The following ANKS1B variants were observed in gnomAD, a reference collection of about 807,000 sequenced individuals.
ANKS1B encodes ankyrin repeat and sterile alpha motif domain containing 1B, also known as ankyrin repeat and sterile alpha motif domain-containing protein 1B.
In ANKS1B, 36 loss-of-function variants were observed where a neutral mutation model predicts 148.3. The ratio of observed to expected loss-of-function variants is 0.24; its 90% CI spans 0.19 to 0.32. The LOEUF is 0.32. Among genes scored for constraint, ANKS1B ranks in the 10% least tolerant of loss-of-function variants. ANKS1B has a pLI of 1.00. For synonymous variants in ANKS1B, 542 were observed against 560.8 expected (o/e 0.97, Z 0.47); for missense variants, 1,157 against 1,542.6 (o/e 0.75, Z 4.19).
At chr12:99,392,318 G>A (rs2094103051) in intron 12 of ANKS1B, among the ~76,000 whole-genome samples, 1 of 152,236 alleles carries the variant, frequency 6.6e-6, no homozygotes, top group South Asian at 2.1e-4. Context: ...CAGTGTGAGA[G>A]GCCTATGCCA....
intron 17 of ANKS1B, among the ~76,000 whole-genome samples, chr12:98,989,096 C>T (rs542710364): frequency 6.6e-6 from 1 of 152,152 alleles, no homozygotes; most frequent in Non-Finnish European, 1.5e-5. Context: ...CTTTGATTTG[C>T]AGCTGCTTTG....
At chr12:99,153,337 C>T (rs2075420136) in intron 15 of ANKS1B, among the ~76,000 whole-genome samples, 2 of 152,242 alleles carry the variant, frequency 1.3e-5, no homozygotes, top group South Asian at 2.1e-4. Flanking sequence ...AGGGCTATTA[C>T]TTATTTCCAC....
chr12:99,230,047 G>T lies in ANKS1B; in HGVS notation c.2419+14295C>A, dbSNP rs141505149. Among the ~76,000 whole-genome samples the T allele has an allele frequency of 2.1e-3, 312 of 152,054 alleles. 1 individual carries two copies. Among genetic ancestry groups the T allele is most frequent in the African/African-American group, 7.2e-3 (300 of 41,554 alleles). On this transcript the variant is annotated intron_variant, in intron 14 of 26. Coordinates refer to ENST00000683438, the MANE Select transcript of ANKS1B (RefSeq NM_001352186.2). ...AAGGAAAAAAAAAGTCATCTGTTAA[G>T]ATCTGCTATGTACCAGGAATATAGT... is the stretch of plus-strand genomic sequence containing the variant.
At chr12:99,175,657 T>C (rs1032147806) in intron 14 of ANKS1B, among the ~76,000 whole-genome samples, 1 of 152,098 alleles carries the variant, frequency 6.6e-6, no homozygotes, top group South Asian at 2.1e-4. Flanking sequence ...AAATAGGACA[T>C]ACCATTAATA....
In ANKS1B at chr12:99,251,664, T is replaced by C. The variant is rs528836693; in HGVS notation, c.1757-4800A>G. Among the ~76,000 whole-genome samples, 10 of 152,334 alleles carry C rather than the reference T, an allele frequency of 6.6e-5. No individual in the cohort carries two copies. In the East Asian group the frequency reaches 1.7e-3, roughly 26 times the overall value. On this transcript the variant is annotated intron_variant, in intron 12 of 26. Transcript: ENST00000683438. Reference sequence around the variant, plus strand: ...AATCTCTTTTTATCCACCTTTGCTATGATTTTTATCACCTATATATCACCT... The same window carrying C: ...AATCTCTTTTTATCCACCTTTGCTACGATTTTTATCACCTATATATCACCT...
intron 1 of ANKS1B, among the ~76,000 whole-genome samples, chr12:99,844,527 T>C (rs548568332): frequency 1.7e-4 from 26 of 152,308 alleles, no homozygotes; most frequent in African/African-American, 6.3e-4. Flanking sequence ...GTCAAGTCTG[T>C]CAAAGACCAG....
chr12:99,350,481 A>G (rs2091283721), intron 12 of ANKS1B, among the ~76,000 whole-genome samples: 1 of 152,052 alleles, frequency 6.6e-6, no homozygotes, highest in Non-Finnish European at 1.5e-5. Flanking sequence ...ACTTCTACAA[A>G]CACAAGACAA....
At chr12:99,366,345 C>T (rs1465312122) in intron 12 of ANKS1B, among the ~76,000 whole-genome samples, 1 of 152,196 alleles carries the variant, frequency 6.6e-6, no homozygotes, top group African/African-American at 2.4e-5. Context: ...CCTCAGGACA[C>T]TAATGGCTTC....
At chr12:99,723,137 G>A (rs992725074) in intron 8 of ANKS1B, among the ~76,000 whole-genome samples, 1 of 152,190 alleles carries the variant, frequency 6.6e-6, no homozygotes, top group Non-Finnish European at 1.5e-5. Flanking sequence ...CTGAGTTCCC[G>A]GTGGGGAGGG....
chr12:99,487,491 C>T (rs942348392), intron 10 of ANKS1B, among the ~76,000 whole-genome samples: 1 of 151,970 alleles, frequency 6.6e-6, no homozygotes, highest in African/African-American at 2.4e-5. Context: ...AGAGTGGGAA[C>T]AATTGGGTCA....
At chr12:99,870,609 A>C (rs2091386373) in intron 1 of ANKS1B, among the ~76,000 whole-genome samples, 1 of 152,100 alleles carries the variant, frequency 6.6e-6, no homozygotes, top group South Asian at 2.1e-4. Context: ...TTGACTTCTT[A>C]ATAACAGCCA....
intron 8 of ANKS1B, among the ~76,000 whole-genome samples, chr12:99,677,142 T>C (rs1567622532): frequency 6.6e-6 from 1 of 152,248 alleles, no homozygotes; most frequent in Non-Finnish European, 1.5e-5. Context: ...AGTGAATCTT[T>C]AGCTTTCTTC....
chr12:98,832,288 A>C, intron 17 of ANKS1B, 152 bp from the exon 18 acceptor site: 1 of 619,368 alleles, frequency 1.6e-6, no homozygotes, highest in East Asian at 2.9e-5. Context: ...GAAGTCCAGA[A>C]AGATTGCAGT....
At chr12:98,849,823 C>T (rs185178380) in intron 17 of ANKS1B, among the ~76,000 whole-genome samples, 62 of 152,254 alleles carry the variant, frequency 4.1e-4, no homozygotes, top group Non-Finnish European at 5.9e-4. Flanking sequence ...ATATTCACTT[C>T]AATACAAAAG....
intron 9 of ANKS1B, among the ~76,000 whole-genome samples, chr12:99,542,310 C>A (rs1323201321): frequency 6.6e-6 from 1 of 151,614 alleles, no homozygotes; most frequent in Admixed American, 6.6e-5. Context: ...ATTTCATTTA[C>A]AATAGAATAA....
At chr12:99,067,451 A>G (rs1377005276) in intron 16 of ANKS1B, among the ~76,000 whole-genome samples, 1 of 152,206 alleles carries the variant, frequency 6.6e-6, no homozygotes, top group Non-Finnish European at 1.5e-5. Context: ...TGGCACCTTC[A>G]GTGAGTATGA....
intron 17 of ANKS1B, among the ~76,000 whole-genome samples, chr12:98,898,360 T>C (rs1211959571): frequency 5.3e-5 from 8 of 152,140 alleles, no homozygotes. Flanking sequence ...GTAAAAACAT[T>C]AAATAATTCA....
chr12:99,328,208 T>G (rs73143023), intron 12 of ANKS1B, among the ~76,000 whole-genome samples: 130 of 151,990 alleles, frequency 8.6e-4, no homozygotes, highest in African/African-American at 3.1e-3. Flanking sequence ...TGCCCCAGTT[T>G]ATTGCCTTGA....
At chr12:99,032,973 A>G (rs1172068265) in intron 17 of ANKS1B, among the ~76,000 whole-genome samples, 3 of 152,238 alleles carry the variant, frequency 2.0e-5, no homozygotes, top group African/African-American at 7.2e-5. Context: ...AAGAGTATTT[A>G]CTAGGCTTAG....
Sources: gnomAD v4.1 joint callset for allele counts (sites outside exome capture counted in the v4.1 genomes callset) on GRCh38, gnomAD v4.1.1 for gene constraint, MANE v1.5 for transcripts, NCBI Gene and HGNC (gene_info 2026-07-23, HGNC 2026-07-21) for gene names.